The following SPATA31H1 variants were observed in gnomAD, a reference collection of about 807,000 sequenced individuals.
The protein encoded by SPATA31H1 is spermatogenesis-associated protein 31H1.
chr2:27,551,110 G>A, the SPATA31H1 span, among the ~76,000 whole-genome samples: 1 of 151,646 alleles, frequency 6.6e-6, no homozygotes, highest in Non-Finnish European at 1.5e-5. Flanking sequence ...GGCTGGTCTC[G>A]AACTCCTGAC....
the SPATA31H1 span, chr2:27,580,734 A>G: frequency 6.2e-7 from 1 of 1,614,226 alleles, no homozygotes; most frequent in Non-Finnish European, 8.5e-7. Context: ...GTGGGCAAGC[A>G]AAAACTATTA....
chr2:27,545,018 A>G, the SPATA31H1 span, among the ~76,000 whole-genome samples: 31 of 125,932 alleles, frequency 2.5e-4, no homozygotes, highest in Middle Eastern at 4.0e-3. Flanking sequence ...GCATTTCAAA[A>G]AGTCAAATTT....
At chr2:27,541,754 GTATC>G in the SPATA31H1 span, among the ~76,000 whole-genome samples, 2 of 152,012 alleles carry the variant, frequency 1.3e-5, no homozygotes, top group Admixed American at 1.3e-4. Flanking sequence ...GTTCAATATG[GTATC>G]TGCTAATCAT....
At chr2:27,569,599 A>G in the SPATA31H1 span, 2 of 398,780 alleles carry the variant, frequency 5.0e-6, no homozygotes, top group Non-Finnish European at 8.8e-6. Flanking sequence ...CCACAGCTCC[A>G]GGGAGAAAAG....
the SPATA31H1 span, among the ~76,000 whole-genome samples, chr2:27,541,292 G>A: frequency 4.0e-5 from 6 of 151,684 alleles, no homozygotes; most frequent in African/African-American, 9.7e-5. Flanking sequence ...GCACTCGGCA[G>A]GCTGATGCAG....
the SPATA31H1 span, chr2:27,579,880 C>T: frequency 1.2e-6 from 2 of 1,614,120 alleles, no homozygotes; most frequent in South Asian, 1.1e-5. Context: ...AGTCAAATAC[C>T]CCCCGATGTG....
At chr2:27,579,482 GAA>G in the SPATA31H1 span, 1 of 1,614,176 alleles carries the variant, frequency 6.2e-7, no homozygotes, top group Non-Finnish European at 8.5e-7. Flanking sequence ...ATGGTCATAA[GAA>G]AAGAATGGCC....
the SPATA31H1 span, chr2:27,579,589 G>A: frequency 6.2e-7 from 1 of 1,614,190 alleles, no homozygotes; most frequent in South Asian, 1.1e-5. Flanking sequence ...ACGTTCAATG[G>A]TATATCCCAA....
the SPATA31H1 span, among the ~76,000 whole-genome samples, chr2:27,547,583 T>C: frequency 2.6e-5 from 4 of 152,022 alleles, no homozygotes; most frequent in African/African-American, 4.8e-5. Context: ...GGGTTTTAGA[T>C]TGAGAATGTA....
At chr2:27,556,584 C>T in the SPATA31H1 span, among the ~76,000 whole-genome samples, 1 of 150,780 alleles carries the variant, frequency 6.6e-6, no homozygotes, top group African/African-American at 2.4e-5. Context: ...CTTTATTTCT[C>T]CTGTTCTAGA....
chr2:27,545,941 T>A, the SPATA31H1 span, among the ~76,000 whole-genome samples: 83,417 of 148,792 alleles, frequency 0.56, 23,523 homozygotes, highest in East Asian at 0.85. Context: ...CCTAATGACT[T>A]ATGATAATGT....
At chr2:27,578,240 A>G in the SPATA31H1 span, 7 of 1,614,202 alleles carry the variant, frequency 4.3e-6, no homozygotes, top group South Asian at 7.7e-5. Flanking sequence ...AGCACCACAC[A>G]GGGCCATGTT....
the SPATA31H1 span, chr2:27,578,923 C>G: frequency 6.2e-7 from 1 of 1,614,066 alleles, no homozygotes; most frequent in Non-Finnish European, 8.5e-7. Context: ...TATATAGACC[C>G]TACTATGATA....
At chr2:27,549,793 A>G in the SPATA31H1 span, among the ~76,000 whole-genome samples, 1 of 151,896 alleles carries the variant, frequency 6.6e-6, no homozygotes, top group Non-Finnish European at 1.5e-5. Flanking sequence ...TGGGTGACAG[A>G]GCAAGACTCC....
the SPATA31H1 span, chr2:27,568,135 T>C: frequency 7.5e-6 from 3 of 398,978 alleles, no homozygotes; most frequent in African/African-American, 2.1e-5. Flanking sequence ...ATGGATTCTA[T>C]GGGGATGATT....
chr2:27,580,365 A>G, the SPATA31H1 span: 1 of 1,614,208 alleles, frequency 6.2e-7, no homozygotes, highest in Non-Finnish European at 8.5e-7. Flanking sequence ...CCTACCAGAG[A>G]GTGACTCTGA....
chr2:27,541,069 A>G, the SPATA31H1 span, among the ~76,000 whole-genome samples: 14 of 143,138 alleles, frequency 9.8e-5, no homozygotes, highest in Admixed American at 4.3e-4. Flanking sequence ...GCGAGCCAAG[A>G]TCACGCCACT....
At chr2:27,547,125 T>C in the SPATA31H1 span, among the ~76,000 whole-genome samples, 4 of 151,912 alleles carry the variant, frequency 2.6e-5, no homozygotes, top group Admixed American at 6.6e-5. Flanking sequence ...TTTTCAATAA[T>C]GTAGCTTTGT....
At chr2:27,581,446 T>C in the SPATA31H1 span, 1 of 1,609,420 alleles carries the variant, frequency 6.2e-7, no homozygotes, top group Non-Finnish European at 8.5e-7. Context: ...TGTCACAGTC[T>C]CTCTGAAAGG....
Sources: allele counts gnomAD v4.1 joint callset (sites outside exome capture counted in the v4.1 genomes callset), GRCh38; gene constraint gnomAD v4.1.1; transcripts MANE v1.5; gene names NCBI Gene and HGNC (gene_info 2026-07-23, HGNC 2026-07-21).